Variants in R3HDM1 observed in about 807,000 individuals in gnomAD.
The protein encoded by R3HDM1 is R3H domain containing 1, also known as R3H domain-containing protein 1.
R3HDM1 carries 46 observed loss-of-function variants against 141.1 expected under a neutral mutation model. The observed-to-expected ratio is 0.33, with a 90% confidence interval of 0.26 to 0.42. R3HDM1 has a LOEUF of 0.42. R3HDM1 is among the 10% of genes least tolerant of loss of function. R3HDM1 has a pLI of 1.00. For missense variants in R3HDM1, 1,184 were observed against 1,368.3 expected, an observed-to-expected ratio of 0.87 and a Z score of 2.12; for synonymous variants, 435 against 472.9, an observed-to-expected ratio of 0.92 and a Z score of 1.04.
chr2:135,586,457 A>G (rs1707937709), intron 1 of R3HDM1: 1 of 154,208 alleles, frequency 6.5e-6, no homozygotes, highest in Non-Finnish European at 1.4e-5. Context: ...TACTATGGAA[A>G]GAACATCTCC....
chr2:135,657,585 C>T (rs1159112685), intron 18 of R3HDM1, among the ~76,000 whole-genome samples: 1 of 152,086 alleles, frequency 6.6e-6, no homozygotes, highest in Non-Finnish European at 1.5e-5. Context: ...TGGCTAAAAA[C>T]TAACCTAGGA....
At chr2:135,568,662 T>A (rs1559139505) in intron 1 of R3HDM1, 1 of 152,258 alleles carries the variant, frequency 6.6e-6, no homozygotes. Context: ...GGCCACAGTT[T>A]TTTTAACCTT....
Position 135,638,071 on chromosome 2 carries a change from A to G in R3HDM1, c.904-547A>G, listed in dbSNP as rs189829173. Among the ~76,000 whole-genome samples, 75 of 152,334 alleles carry G rather than the reference A, an allele frequency of 4.9e-4. 1 individual carries two copies. The highest frequency in any genetic ancestry group is 1.7e-3 in the African/African-American group (71 of 41,596). On this transcript the variant is annotated intron_variant, in intron 11 of 26. Coordinates refer to ENST00000683871, the MANE Select transcript of R3HDM1 (RefSeq NM_001378107.1). ...GGGAGCCATTCAAGTGGGAAGAGTT[A>G]TGATCAAATTGACATCTTAGAGAGA...
intron 1 of R3HDM1, chr2:135,536,867 C>T (rs934597374): frequency 3.7e-5 from 11 of 297,276 alleles, no homozygotes; most frequent in African/African-American, 2.5e-4. Flanking sequence ...GGATTGCAAA[C>T]CTTACTGTGA....
At chr2:135,692,392 G>A (rs189972417) in intron 21 of R3HDM1, among the ~76,000 whole-genome samples, 1 of 152,276 alleles carries the variant, frequency 6.6e-6, no homozygotes, top group Admixed American at 6.5e-5. Context: ...CTGAGGTCAG[G>A]AGTTCTAGAC....
intron 17 of R3HDM1, 33 bp downstream of exon 17, chr2:135,650,036 T>G (rs1002643849): frequency 4.3e-5 from 51 of 1,197,464 alleles, no homozygotes; most frequent in Non-Finnish European, 5.3e-5. Flanking sequence ...CTGCGTTGTT[T>G]CTGTGGGTGG....
rs1441937209 is a variant in R3HDM1, at chr2:135,722,536, T to C, written c.3032T>C (p.Leu1011Pro). ...RQAKKAASTD[L>P]GAGETVVGKV... ...GCTAAAAAAGCTGCATCCACAGACC[T>C]TGGAGCAGGAGAAACAGGTATGTCT... is the stretch of plus-strand genomic sequence containing the variant. Residue 1011 changes from leucine (L) to proline (P), a missense_variant, in exon 26 of 27, where the codon CTT (leucine) becomes CCT (proline). By Grantham distance (98) the Leu-to-Pro change is moderately conservative (BLOSUM62 -3). Transcript: ENST00000683871. The C allele has an allele frequency of 1.2e-6, 2 of 1,613,126 alleles. No homozygotes were observed. Among genetic ancestry groups the C allele is most frequent in the Admixed American group, 1.7e-5 (1 of 59,800 alleles).
At chr2:135,660,168 C>T (rs900379802) in intron 18 of R3HDM1, among the ~76,000 whole-genome samples, 3 of 152,112 alleles carry the variant, frequency 2.0e-5, no homozygotes, top group African/African-American at 7.2e-5. Context: ...ACATGAATTG[C>T]AAAATGAATT....
At chr2:135,592,728 T>C (rs1314015913) in intron 1 of R3HDM1, among the ~76,000 whole-genome samples, 6 of 151,988 alleles carry the variant, frequency 3.9e-5, no homozygotes, top group South Asian at 2.1e-4. Flanking sequence ...GTTTTTTTTT[T>C]CCTCCATGTA....
intron 18 of R3HDM1, among the ~76,000 whole-genome samples, chr2:135,653,826 C>T (rs575835401): frequency 1.3e-5 from 2 of 152,062 alleles, no homozygotes; most frequent in South Asian, 2.1e-4. Context: ...TACTCGGTAG[C>T]GTGAGGCAGG....
chr2:135,673,247 G>C (rs1270243375), intron 19 of R3HDM1, among the ~76,000 whole-genome samples: 2 of 152,196 alleles, frequency 1.3e-5, no homozygotes, highest in East Asian at 3.8e-4. Context: ...TGAGGAGCTC[G>C]AGGGTACAGT....
chr2:135,546,092 A>C (rs1698641672), intron 1 of R3HDM1, among the ~76,000 whole-genome samples: 1 of 152,200 alleles, frequency 6.6e-6, no homozygotes, highest in South Asian at 2.1e-4. Context: ...TCAGGCAGAT[A>C]ATGTTTTTAT....
chr2:135,606,904 A>T (rs2060118234), intron 3 of R3HDM1, among the ~76,000 whole-genome samples: 5 of 99,510 alleles, frequency 5.0e-5, no homozygotes. Flanking sequence ...GTATAGCTTC[A>T]TTTTTTTTTT....
intron 1 of R3HDM1, among the ~76,000 whole-genome samples, chr2:135,602,167 G>A (rs1205030586): frequency 6.6e-6 from 1 of 152,026 alleles, no homozygotes; most frequent in East Asian, 1.9e-4. Context: ...GAGTTAAAGT[G>A]TTTCTGATTA....
At chr2:135,694,995 T>C (rs1316821236) in intron 21 of R3HDM1, among the ~76,000 whole-genome samples, 1 of 152,160 alleles carries the variant, frequency 6.6e-6, no homozygotes, top group East Asian at 1.9e-4. Context: ...TATCTCAATA[T>C]GGAGGAAAAT....
At chr2:135,572,620 A>G (rs1704396042) in intron 1 of R3HDM1, among the ~76,000 whole-genome samples, 1 of 152,220 alleles carries the variant, frequency 6.6e-6, no homozygotes, top group Admixed American at 6.5e-5. Context: ...TGCTGGGGAA[A>G]CAGGGTTGTC....
At chr2:135,632,612 G>A (rs1379839059) in intron 9 of R3HDM1, among the ~76,000 whole-genome samples, 1 of 152,212 alleles carries the variant, frequency 6.6e-6, no homozygotes, top group Non-Finnish European at 1.5e-5. Flanking sequence ...GGGAACAGAA[G>A]ACCCAATGCA....
chr2:135,625,538 C>T (rs1202050018), intron 7 of R3HDM1, among the ~76,000 whole-genome samples: 4 of 152,148 alleles, frequency 2.6e-5, no homozygotes, highest in African/African-American at 7.2e-5. Context: ...TTTGGTCTGC[C>T]TCCGTTTCCT....
intron 1 of R3HDM1, among the ~76,000 whole-genome samples, chr2:135,550,989 G>A (rs955682145): frequency 6.6e-6 from 1 of 152,194 alleles, no homozygotes; most frequent in Non-Finnish European, 1.5e-5. Flanking sequence ...AAGACCTTCT[G>A]TCTTGACTCA....
Sources: allele counts gnomAD v4.1 joint callset (sites outside exome capture counted in the v4.1 genomes callset), GRCh38; gene constraint gnomAD v4.1.1; transcripts MANE v1.5; gene names NCBI Gene and HGNC (gene_info 2026-07-23, HGNC 2026-07-21).